The following RC3H1 variants were observed in gnomAD, a reference collection of about 807,000 sequenced individuals.
RC3H1 encodes roquin-1.
In RC3H1, 50 loss-of-function variants were observed where a neutral mutation model predicts 138.2. That is an observed-to-expected ratio of 0.36 (90% CI 0.29 to 0.46). RC3H1 has a LOEUF of 0.46. RC3H1 is among the 20% of genes least tolerant of loss of function. The pLI, the probability that RC3H1 is intolerant of heterozygous loss-of-function variation, is 1.00. For synonymous variants in RC3H1, 462 were observed against 489.1 expected, an observed-to-expected ratio of 0.94 and a Z score of 0.73; for missense variants, 1,031 against 1,388.1, an observed-to-expected ratio of 0.74 and a Z score of 4.09.
intron 6 of RC3H1, among the ~76,000 whole-genome samples, chr1:173,978,986 T>C (rs1195431854): frequency 6.6e-6 from 1 of 152,264 alleles, no homozygotes; most frequent in Non-Finnish European, 1.5e-5. Context: ...TAATAAATTC[T>C]CTTTTCTATT....
Position 173,931,135 on chromosome 1 carries a change from C to T in RC3H1, c.*7586G>A, listed in dbSNP as rs1482349400. ...TTCTTTATTTTTCACCTAAAAAAGCCCCCTCCATTAAAAACGTGTAAGAAA... is the reference window on the plus strand; with the variant it reads ...TTCTTTATTTTTCACCTAAAAAAGCTCCCTCCATTAAAAACGTGTAAGAAA... On this transcript the variant is annotated 3_prime_UTR_variant, in exon 20 of 20. Coordinates refer to ENST00000367696, the MANE Select transcript of RC3H1 (RefSeq NM_172071.4). The T allele has an allele frequency of 2.0e-5, 3 of 152,128 alleles. No individual in the cohort carries two copies. Among genetic ancestry groups the T allele is most frequent in the Admixed American group, 2.0e-4 (3 of 15,276 alleles). 9.4% of individuals were successfully genotyped at this position (152,128 alleles called of 1,614,324 possible).
rs754354331 is a variant in RC3H1, at chr1:173,984,601, T to A, written c.250A>T (p.Ile84Phe). ...VGAQVPEQQP[I>F]TLCSGVEDTK... ...TCTTCAACCCCACTACACAAAGTAA[T>A]AGGCTGCTGCTCAGGGACCTGGAGG... The change falls in exon 3 of 20, where the codon ATT becomes TTT. Residue 84 changes from isoleucine (I) to phenylalanine (F), a missense_variant. Ile to Phe is a conservative substitution (Grantham distance 21). Around this residue, in one of 7 missense-constraint regions of RC3H1, gnomAD observed 80 missense variants for 81.1 expected, o/e 0.99. Coordinates refer to ENST00000367696, the MANE Select transcript of RC3H1 (RefSeq NM_172071.4). 3.1e-6 allele frequency: 5 copies of A among 1,613,500 alleles called. No individual in the cohort carries two copies. Among genetic ancestry groups the A allele is most frequent in the African/African-American group, 1.3e-5 (1 of 74,916 alleles).
At chr1:173,951,288 G>C (rs1239488629) in intron 14 of RC3H1, among the ~76,000 whole-genome samples, 3 of 151,936 alleles carry the variant, frequency 2.0e-5, no homozygotes, top group African/African-American at 7.3e-5. Flanking sequence ...TCGCGCCATT[G>C]AACTCCAGCC....
chr1:173,982,665 T>C (rs1365806785), intron 5 of RC3H1, 62 bp downstream of exon 5: 2 of 1,378,222 alleles, frequency 1.5e-6, no homozygotes, highest in Non-Finnish European at 1.9e-6. Flanking sequence ...AAAGTTTTAC[T>C]ACTTAACTTT....
At chr1:173,966,526 C>T (rs1660125923) in intron 9 of RC3H1, among the ~76,000 whole-genome samples, 1 of 151,752 alleles carries the variant, frequency 6.6e-6, no homozygotes, top group Non-Finnish European at 1.5e-5. Flanking sequence ...ACCAGCCTGA[C>T]CAATATGGTG....
At chr1:173,970,463 C>T in intron 9 of RC3H1, 42 bp downstream of exon 9, 3 of 1,277,882 alleles carry the variant, frequency 2.3e-6, no homozygotes, top group Non-Finnish European at 1.1e-6. Flanking sequence ...CGAATTATTC[C>T]ACTTACACCT....
intron 1 of RC3H1, among the ~76,000 whole-genome samples, chr1:174,008,838 G>A (rs906423370): frequency 3.3e-5 from 5 of 151,996 alleles, no homozygotes; most frequent in South Asian, 2.1e-4. Flanking sequence ...TTAGCCAGGC[G>A]TGGTGGCGGG....
At chr1:173,958,687 G>A (rs1659744836) in intron 13 of RC3H1, among the ~76,000 whole-genome samples, 1 of 151,690 alleles carries the variant, frequency 6.6e-6, no homozygotes, top group South Asian at 2.1e-4. Flanking sequence ...AAGATAATAA[G>A]ACAACACTTA....
chr1:173,974,025 G>A (rs1226464565), intron 7 of RC3H1, among the ~76,000 whole-genome samples: 2 of 151,724 alleles, frequency 1.3e-5, no homozygotes, highest in Non-Finnish European at 2.9e-5. Context: ...AGAGAAGTGG[G>A]GCCAATGTGT....
At chr1:173,942,888 G>A (rs539995713) in intron 18 of RC3H1, among the ~76,000 whole-genome samples, 8 of 152,074 alleles carry the variant, frequency 5.3e-5, no homozygotes, top group Admixed American at 5.2e-4. Flanking sequence ...GCAACCTGAG[G>A]AAGCCCCTAA....
At chr1:174,021,987 G>C in intron 1 of RC3H1, 109 bp downstream of exon 1, 1 of 380,944 alleles carries the variant, frequency 2.6e-6, no homozygotes, top group Non-Finnish European at 4.7e-6. Flanking sequence ...CGGAGGAGCA[G>C]AGGGCGGGCG....
chr1:173,949,136 G>GGT, intron 14 of RC3H1, among the ~76,000 whole-genome samples: 1 of 94,672 alleles, frequency 1.1e-5, no homozygotes, highest in African/African-American at 3.9e-5. Flanking sequence ...TTTTGGGGGG[G>GGT]GGGGTGGGGC....
chr1:174,014,414 T>A (rs559643486), intron 1 of RC3H1, among the ~76,000 whole-genome samples: 1 of 152,126 alleles, frequency 6.6e-6, no homozygotes, highest in Non-Finnish European at 1.5e-5. Context: ...CCACATATAG[T>A]TAGTGGCCAG....
At chr1:174,008,159 G>T (rs1054428881) in intron 1 of RC3H1, among the ~76,000 whole-genome samples, 7 of 152,028 alleles carry the variant, frequency 4.6e-5, no homozygotes, top group African/African-American at 1.7e-4. Flanking sequence ...TTCACAACAG[G>T]TACATATCTA....
chr1:174,004,901 AG>A (rs974823994), intron 1 of RC3H1, among the ~76,000 whole-genome samples: 4 of 148,136 alleles, frequency 2.7e-5, no homozygotes, highest in Non-Finnish European at 6.0e-5. Flanking sequence ...CTAGCCCAAA[AG>A]CTTTTTTTTA....
intron 15 of RC3H1, 56 bp downstream of exon 15, chr1:173,947,313 A>G (rs1659175846): frequency 1.7e-6 from 2 of 1,182,720 alleles, no homozygotes; most frequent in East Asian, 4.7e-5. Context: ...AGCAGGGGTA[A>G]TGCTGAAAGT....
At chr1:173,982,005 C>T (rs1001261161) in intron 5 of RC3H1, among the ~76,000 whole-genome samples, 1 of 152,108 alleles carries the variant, frequency 6.6e-6, no homozygotes, top group African/African-American at 2.4e-5. Context: ...AGACTATGTC[C>T]AGCATTACCA....
At chr1:174,000,124 T>C (rs1267259015) in intron 1 of RC3H1, among the ~76,000 whole-genome samples, 1 of 152,246 alleles carries the variant, frequency 6.6e-6, no homozygotes, top group Non-Finnish European at 1.5e-5. Flanking sequence ...TTCTATGGTA[T>C]GTAAATTATA....
intron 17 of RC3H1, among the ~76,000 whole-genome samples, chr1:173,945,270 C>A (rs1028952334): frequency 6.6e-6 from 1 of 151,934 alleles, no homozygotes; most frequent in East Asian, 1.9e-4. Flanking sequence ...AGACTACAGG[C>A]GTGCACTACC....
Sources: allele counts gnomAD v4.1 joint callset (sites outside exome capture counted in the v4.1 genomes callset), GRCh38; gene constraint gnomAD v4.1.1; regional missense constraint gnomAD v4.1.1; transcripts MANE v1.5; gene names NCBI Gene and HGNC (gene_info 2026-07-23, HGNC 2026-07-21).